The following PCDHGB1 variants were observed in gnomAD, a reference collection of about 807,000 sequenced individuals.
PCDHGB1 encodes the protein protocadherin gamma-B1.
In PCDHGB1, 34 loss-of-function variants were observed where a neutral mutation model predicts 56.6. The ratio of observed to expected loss-of-function variants is 0.60; its 90% CI spans 0.46 to 0.80. PCDHGB1 has a LOEUF of 0.80. PCDHGB1 is among the 30% of genes least tolerant of loss of function. PCDHGB1 has a pLI of 0.00. For missense variants in PCDHGB1, 1,278 were observed against 1,204.6 expected, an observed-to-expected ratio of 1.06 and a Z score of -0.90; for synonymous variants, 561 against 505.9, an observed-to-expected ratio of 1.11 and a Z score of -1.46.
At chr5:141,389,893 T>TGCCGGATATCACTGACC in intron 1 of PCDHGB1, 1 of 1,614,094 alleles carries the variant, frequency 6.2e-7, no homozygotes, top group Non-Finnish European at 8.5e-7. Context: ...CAGGAGGTGC[T>TGCCGGATATCACTGACC]GCCGGATATC....
At chr5:141,375,450 C>T in intron 1 of PCDHGB1, 1 of 1,614,014 alleles carries the variant, frequency 6.2e-7, no homozygotes, top group Non-Finnish European at 8.5e-7. Flanking sequence ...CCCCATTCAT[C>T]CTACTCAGTC....
chr5:141,377,025 A>T (rs1378221523), intron 1 of PCDHGB1: 1 of 154,760 alleles, frequency 6.5e-6, no homozygotes, highest in Non-Finnish European at 1.4e-5. Context: ...AAAATTCAAG[A>T]TTGTCTTTGA....
Position 141,485,626 on chromosome 5 carries a change from T to A in PCDHGB1, c.2410-9181T>A, listed in dbSNP as rs2099616815. 6.2e-7 allele frequency: 1 copy of A among 1,611,740 alleles called. No individual in the cohort carries two copies. On this transcript the variant is annotated intron_variant, in intron 1 of 3. Coordinates refer to ENST00000523390, the MANE Select transcript of PCDHGB1 (RefSeq NM_018922.3). This position sits in a 1 kb window ranked among gnomAD's most constrained non-coding sequence, Gnocchi z 5.7. Reference sequence around the variant, plus strand: ...GGGAGGCAGCTCCTCCAGGACAGCGTTTCCCGTTGGAAAAGGCTCAGGATG... The same window carrying A: ...GGGAGGCAGCTCCTCCAGGACAGCGATTCCCGTTGGAAAAGGCTCAGGATG...
chr5:141,400,003 C>T, intron 1 of PCDHGB1: 5 of 1,612,396 alleles, frequency 3.1e-6, no homozygotes, highest in Non-Finnish European at 4.2e-6. Flanking sequence ...GCGCACAGCG[C>T]GTGCCTTGGG....
chr5:141,419,423 C>A, intron 1 of PCDHGB1: 1 of 1,613,368 alleles, frequency 6.2e-7, no homozygotes, highest in Non-Finnish European at 8.5e-7. Context: ...CGCCTTCGAC[C>A]ACGAGCAGCT....
intron 1 of PCDHGB1, chr5:141,389,142 G>C (rs72790030): frequency 2.5e-6 from 4 of 1,613,970 alleles, no homozygotes; most frequent in African/African-American, 2.7e-5. Flanking sequence ...CAATATAACC[G>C]TTACGGCAAC....
At chr5:141,376,106 C>G (rs747782630) in intron 1 of PCDHGB1, 2 of 1,613,796 alleles carry the variant, frequency 1.2e-6, no homozygotes, top group East Asian at 4.5e-5. Flanking sequence ...CCTGGCCGAC[C>G]TGGGCAGCCT....
Position 141,405,636 on chromosome 5 carries a change from G to A in PCDHGB1, c.2409+52967G>A, listed in dbSNP as rs546836247. 7 of 528,588 alleles carry A rather than the reference G, an allele frequency of 1.3e-5. 1 individual carries two copies. The highest frequency in any genetic ancestry group is 8.1e-5 in the South Asian group (3 of 37,242). The allele number at this position is 528,588 out of a possible 1,614,324, so 32.7% of individuals were successfully genotyped here. A position where few individuals can be genotyped will look rare whatever the true frequency, so the allele number is the denominator to read the frequency against. On this transcript the variant is annotated intron_variant, in intron 1 of 3. Coordinates refer to ENST00000523390, the MANE Select transcript of PCDHGB1 (RefSeq NM_018922.3). ...ACTACAGGCACGTGCCACCACGCCC[G>A]GCTAATTTTTTGTGTGTTTTTAGTA...
intron 1 of PCDHGB1, chr5:141,376,564 A>T: frequency 1.2e-6 from 2 of 1,607,478 alleles, no homozygotes; most frequent in East Asian, 4.5e-5. Flanking sequence ...CAACCCAACT[A>T]ATCAGACAGG....
chr5:141,465,786 T>G (rs1236517595), intron 1 of PCDHGB1, among the ~76,000 whole-genome samples: 1 of 152,136 alleles, frequency 6.6e-6, no homozygotes, highest in Non-Finnish European at 1.5e-5. Flanking sequence ...ACAGTTTTTT[T>G]TTTTTTAAGA....
intron 1 of PCDHGB1, among the ~76,000 whole-genome samples, chr5:141,474,187 T>A (rs2099345004): frequency 6.6e-6 from 1 of 152,210 alleles, no homozygotes; most frequent in South Asian, 2.1e-4. Context: ...ACTACTTACA[T>A]TTTTAAAAGC....
rs61612330 is a variant in PCDHGB1 at position 141,454,796 on chromosome 5, A to ATTTTTTTTT, written c.2410-39990_2410-39982dup. Among the ~76,000 whole-genome samples the ATTTTTTTTT allele has an allele frequency of 8.2e-3, 638 of 77,468 alleles. 91 individuals carry two copies. The highest frequency in any genetic ancestry group is 0.025 in the African/African-American group (426 of 16,886). 50.8% of individuals were successfully genotyped at this position (77,468 alleles called of 152,430 possible). On this transcript the variant is annotated intron_variant, in intron 1 of 3. Coordinates refer to ENST00000523390, the MANE Select transcript of PCDHGB1 (RefSeq NM_018922.3). ...AAGGAAATAATCCTCCATGGTTCTA[A>ATTTTTTTTT]TTTTTTTTTTTTTTTTTTTTTTTTT...
At chr5:141,399,010 G>C in intron 1 of PCDHGB1, 1 of 1,613,844 alleles carries the variant, frequency 6.2e-7, no homozygotes, top group Non-Finnish European at 8.5e-7. Flanking sequence ...TTCAAAGAGC[G>C]GAGAAATTAC....
At position 141,511,963 on chromosome 5, in the gene PCDHGB1, AGT is replaced by A. The variant is rs1204123000; in HGVS notation, c.*796_*797del. On this transcript the variant is annotated 3_prime_UTR_variant, in exon 4 of 4. Transcript: ENST00000523390. ...ATGGGGTGGTAAGATAAGGAAGGGA[AGT>A]GTGTGGATGTGGATGGTGGGGGCAT... 1 of 153,636 alleles carries A rather than the reference AGT, an allele frequency of 6.5e-6. No individual in the cohort carries two copies. 9.5% of individuals were successfully genotyped at this position (153,636 alleles called of 1,614,324 possible).
At chr5:141,441,855 G>A in intron 1 of PCDHGB1, 3 of 351,872 alleles carry the variant, frequency 8.5e-6, no homozygotes, top group Admixed American at 4.0e-5. Flanking sequence ...ATATGGTGCT[G>A]CACGCCGCGG....
rs769232324 is a variant in PCDHGB1, at chr5:141,423,034, G to T, written c.2409+70365G>T. 4 of 1,614,082 alleles carry T rather than the reference G, an allele frequency of 2.5e-6. No individual in the cohort carries two copies. In the African/African-American group the frequency reaches 4.0e-5, roughly 16 times the overall value. On this transcript the variant is annotated intron_variant, in intron 1 of 3. Coordinates refer to ENST00000523390, the MANE Select transcript of PCDHGB1 (RefSeq NM_018922.3). ...GGTGGACAAAGATTCAGGCCAGAAC[G>T]CCTGGCTGTCCTATCGCCTGCTTAA...
chr5:141,417,211 T>C (rs1027777607), intron 1 of PCDHGB1: 1 of 152,174 alleles, frequency 6.6e-6, no homozygotes, highest in Admixed American at 6.5e-5. Context: ...TAGGCTAGAA[T>C]TGAAGACAAA....
rs527514615 is a variant in PCDHGB1 at position 141,485,941 on chromosome 5, A to G, written c.2410-8866A>G. ...GGATTAGTGTGTTGGAGAGCGCACC[A>G]GCGGGCATGGTGCTCATCCAGCTCA... is the stretch of plus-strand genomic sequence containing the variant. On this transcript the variant is annotated intron_variant, in intron 1 of 3. Coordinates refer to ENST00000523390, the MANE Select transcript of PCDHGB1 (RefSeq NM_018922.3). This position sits in a 1 kb window ranked among gnomAD's most constrained non-coding sequence, Gnocchi z 5.7. The G allele has an allele frequency of 2.5e-6, 4 of 1,614,180 alleles. No homozygotes were observed. The highest frequency in any genetic ancestry group is 2.7e-5 in the African/African-American group (2 of 75,032).
chr5:141,414,648 T>G (rs2095770464), intron 1 of PCDHGB1: 2 of 1,613,844 alleles, frequency 1.2e-6, no homozygotes, highest in Non-Finnish European at 1.7e-6. Context: ...ATGCCCAGAT[T>G]ATTTACTCCC....
Sources: allele counts gnomAD v4.1 joint callset (sites outside exome capture counted in the v4.1 genomes callset), GRCh38; gene constraint gnomAD v4.1.1; non-coding constraint Gnocchi (gnomAD v3.1); transcripts MANE v1.5; gene names NCBI Gene and HGNC (gene_info 2026-07-23, HGNC 2026-07-21).